RPGR: variants seen among roughly 807,000 people sequenced by gnomAD.
The protein encoded by RPGR is retinitis pigmentosa GTPase regulator.
In RPGR, 10 loss-of-function variants were observed where a neutral mutation model predicts 56.3. The ratio of observed to expected loss-of-function variants is 0.18; its 90% CI spans 0.11 to 0.30. RPGR has a LOEUF of 0.30. RPGR is among the 10% of genes least tolerant of loss of function. The pLI, the probability that RPGR is intolerant of heterozygous loss-of-function variation, is 1.00. For missense variants in RPGR, 538 were observed against 590.9 expected (o/e 0.91, Z 0.93); for synonymous variants, 197 against 212.9 (o/e 0.93, Z 0.65).
At chrX:38,288,787 A>G (rs933518873) in intron 13 of RPGR, among the ~76,000 whole-genome samples, 1 of 109,466 alleles carries the variant, frequency 9.1e-6, no homozygotes, top group Non-Finnish European at 1.9e-5. Flanking sequence ...TTAATTTTCA[A>G]TTTTTTTTTC....
chrX:38,270,458 CAA>C (rs771458538), intron 18 of RPGR, among the ~76,000 whole-genome samples: 5 of 76,535 alleles, frequency 6.5e-5, no homozygotes, highest in Admixed American at 1.6e-4. Flanking sequence ...ACTACAAATA[CAA>C]AAAAAAAAAA....
rs138405457 is a variant in RPGR, at chrX:38,285,651, T to C, written c.1905+1443A>G. ...GGACTGGCATTTTGGACCTCTGCTC[T>C]TTCCCATTTCCCTGTGTGTTAGTAA... On this transcript the variant is annotated intron_variant, in intron 15 of 18. Transcript: ENST00000642395. 8.2e-5 allele frequency: 99 copies of C among 1,209,649 alleles called. No homozygotes were observed. Among genetic ancestry groups the C allele is most frequent in the Non-Finnish European group, 1.1e-4 (94 of 895,120 alleles).
At chrX:38,305,661 G>A (rs1200603281) in intron 7 of RPGR, among the ~76,000 whole-genome samples, 5 of 107,826 alleles carry the variant, frequency 4.6e-5, no homozygotes, top group African/African-American at 1.4e-4. Flanking sequence ...CAGGAGAATC[G>A]CTTGAACCCA....
At chrX:38,293,364 G>A (rs1018672252) in intron 11 of RPGR, among the ~76,000 whole-genome samples, 12 of 111,643 alleles carry the variant, frequency 1.1e-4, no homozygotes, top group South Asian at 3.7e-4. Flanking sequence ...TTTGGCCCAC[G>A]AGCCATTATT....
At chrX:38,309,580 C>A (rs1255560919) in intron 7 of RPGR, among the ~76,000 whole-genome samples, 1 of 112,692 alleles carries the variant, frequency 8.9e-6, no homozygotes, top group Non-Finnish European at 1.9e-5. Flanking sequence ...GTAATCCCAG[C>A]ACTTTGGGAG....
intron 17 of RPGR, among the ~76,000 whole-genome samples, chrX:38,274,753 T>C (rs1220506542): frequency 8.9e-6 from 1 of 111,837 alleles, no homozygotes; most frequent in Non-Finnish European, 1.9e-5. Context: ...AGGTGGAGAT[T>C]GCAATGAGCT....
In RPGR at chrX:38,270,619, T is replaced by TC. The variant is rs35050825; in HGVS notation, c.2242-788dup. On this transcript the variant is annotated intron_variant, in intron 18 of 18. Transcript: ENST00000642395. ...GCTTGGGCGACAGAGCGAGACTCTG[T>TC]CCCCAAAAAAAAAAAAAAAAAAGTC... 8.0e-4 allele frequency among the ~76,000 whole-genome samples: 63 copies of TC among 78,804 alleles called. No homozygotes were observed. The East Asian group carries it at 0.012, about 16-fold the overall frequency. 68.4% of individuals were successfully genotyped at this position (78,804 alleles called of 115,157 possible).
chrX:38,316,264 A>G (rs1378603698), intron 6 of RPGR, among the ~76,000 whole-genome samples: 1 of 108,558 alleles, frequency 9.2e-6, no homozygotes, highest in East Asian at 2.8e-4. Context: ...TGTGAATTAT[A>G]TCTCAATAAA....
chrX:38,293,402 A>G (rs1461605104), intron 11 of RPGR, among the ~76,000 whole-genome samples: 2 of 112,206 alleles, frequency 1.8e-5, no homozygotes, highest in Non-Finnish European at 3.8e-5. Flanking sequence ...CATTACTACC[A>G]TAATACTACC....
At chrX:38,299,197 T>C in intron 9 of RPGR, 56 bp from the exon 10 acceptor site, 2 of 1,110,122 alleles carry the variant, frequency 1.8e-6, no homozygotes, top group Non-Finnish European at 2.5e-6. Context: ...CACAAATGAG[T>C]TTTTAACAGT....
rs1159969109 is a variant in RPGR, at chrX:38,287,990, C to T, written c.1624G>A (p.Asp542Asn). The T allele has an allele frequency of 6.6e-6, 8 of 1,208,867 alleles. No individual in the cohort carries two copies. Among genetic ancestry groups the T allele is most frequent in the Middle Eastern group, 2.3e-4 (1 of 4,372 alleles). Residue 542 changes from aspartate (D) to asparagine (N), a missense_variant, in exon 14 of 19, where the codon GAT becomes AAT. Around this residue, in one of 2 missense-constraint regions of RPGR, gnomAD observed 357 missense variants for 325.8 expected, o/e 1.10. Transcript: ENST00000642395. ...ATTTCTTCATATTCATCACTATCAT[C>T]GTTTTCAGTAAGAGCTGTATCCTGC...
intron 15 of RPGR, among the ~76,000 whole-genome samples, chrX:38,281,079 C>G (rs960502583): frequency 8.9e-6 from 1 of 111,934 alleles, no homozygotes; most frequent in African/African-American, 3.3e-5. Context: ...TGAATACATT[C>G]CAGTTTGATA....
intron 13 of RPGR, among the ~76,000 whole-genome samples, chrX:38,289,047 G>A (rs1169284227): frequency 9.0e-6 from 1 of 111,090 alleles, no homozygotes; most frequent in Non-Finnish European, 1.9e-5. Context: ...CGCCCAAAGT[G>A]CTGGGATTAC....
At chrX:38,289,951 G>A (rs920284125) in intron 13 of RPGR, among the ~76,000 whole-genome samples, 1 of 111,768 alleles carries the variant, frequency 8.9e-6, no homozygotes, top group Non-Finnish European at 1.9e-5. Flanking sequence ...AAAGACACAA[G>A]AAAGGTGTCT....
At chrX:38,318,041 A>G (rs1483469408) in intron 5 of RPGR, 1 of 111,022 alleles carries the variant, frequency 9.0e-6, no homozygotes, top group African/African-American at 3.2e-5. Flanking sequence ...TAGGTAACAT[A>G]TAATTTCTGA....
At chrX:38,292,263 T>C (rs2067296295) in intron 11 of RPGR, among the ~76,000 whole-genome samples, 1 of 112,577 alleles carries the variant, frequency 8.9e-6, no homozygotes, top group Non-Finnish European at 1.9e-5. Flanking sequence ...TGTGAAATAA[T>C]AAATGCTTTT....
Position 38,327,359 on chromosome X carries a change from C to T in RPGR, c.9G>A (p.Glu3=), listed in dbSNP as rs769874474. 23 of 1,188,446 alleles carry T rather than the reference C, an allele frequency of 1.9e-5. No individual in the cohort carries two copies. The South Asian group carries it at 4.1e-4, about 21-fold the overall frequency. ...ACTCACCGGGCATCAGCTCTTCCGG[C>T]TCCCTCATGCCACGGGCAGTACGGG... The change falls in exon 1 of 19, where the codon GAG becomes GAA. Residue 3 remains glutamate, a synonymous_variant. Transcript: ENST00000642395.
intron 11 of RPGR, among the ~76,000 whole-genome samples, chrX:38,292,933 TAGAGG>T (rs1321708261): frequency 9.0e-6 from 1 of 111,367 alleles, no homozygotes; most frequent in Admixed American, 9.6e-5. Context: ...AGCAAATGAG[TAGAGG>T]AAAGAAGCTT....
intron 18 of RPGR, chrX:38,269,887 T>TATGGA: frequency 1.1e-6 from 1 of 882,420 alleles, no homozygotes; most frequent in Non-Finnish European, 1.6e-6. Flanking sequence ...AACATTCACT[T>TATGGA]AACAGTATTT....
Sources: gnomAD v4.1 joint callset for allele counts (sites outside exome capture counted in the v4.1 genomes callset) on GRCh38, gnomAD v4.1.1 for gene constraint, gnomAD v4.1.1 regional missense constraint, MANE v1.5 for transcripts, NCBI Gene and HGNC (gene_info 2026-07-23, HGNC 2026-07-21) for gene names.